Variants in SERPINA5 observed in about 807,000 individuals in gnomAD.
SERPINA5 encodes the protein serpin family A member 5, also known as plasma serine protease inhibitor.
A neutral mutation model predicts 25.3 loss-of-function variants in SERPINA5; 25 were observed. The ratio of observed to expected loss-of-function variants is 0.99; its 90% CI spans 0.72 to 1.38. The LOEUF is 1.38. Ranked by LOEUF, SERPINA5 falls within the 40% of genes most tolerant of loss-of-function variation. The pLI, the probability that SERPINA5 is intolerant of heterozygous loss-of-function variation, is 0.00. For synonymous variants in SERPINA5, 234 were observed against 206.2 expected (o/e 1.14, Z -1.16); for missense variants, 599 against 509.5 (o/e 1.18, Z -1.69).
rs953884918 is a variant in SERPINA5, at chr14:94,590,315, C to T, written c.890+4C>T. ...GGCTTAAGATGTTCAAAAAGAGGTACTTTCAGACTACCCCAGGGCCAGCCT... is the reference window on the plus strand; with the variant it reads ...GGCTTAAGATGTTCAAAAAGAGGTATTTTCAGACTACCCCAGGGCCAGCCT... On this transcript the variant is annotated splice_donor_region_variant and intron_variant, in intron 4 of 5. Coordinates refer to ENST00000329597, the MANE Select transcript of SERPINA5 (RefSeq NM_000624.6). The T allele has an allele frequency of 6.3e-7, 1 of 1,585,600 alleles. No individual in the cohort carries two copies.
intron 3 of SERPINA5, 102 bp downstream of exon 3, chr14:94,588,083 T>C: frequency 6.9e-7 from 1 of 1,447,960 alleles, no homozygotes; most frequent in Non-Finnish European, 9.3e-7. Flanking sequence ...GGGGAGTACG[T>C]TAAGTTCTTT....
At chr14:94,590,924 C>T (rs1323495757) in intron 5 of SERPINA5, 28 bp downstream of exon 5, 3 of 1,594,322 alleles carry the variant, frequency 1.9e-6, no homozygotes, top group Non-Finnish European at 2.6e-6. Context: ...TATGCATCTG[C>T]TTCCCAAGGT....
intron 2 of SERPINA5, among the ~76,000 whole-genome samples, chr14:94,582,536 T>C (rs1395948493): frequency 1.3e-5 from 2 of 152,238 alleles, no homozygotes; most frequent in Non-Finnish European, 2.9e-5. Flanking sequence ...CAAGGTCACC[T>C]GGCAAGTGAG....
At position 94,587,714 on chromosome 14, in the gene SERPINA5, C is replaced by T. The variant is rs200732424; in HGVS notation, c.352C>T (p.Leu118Phe). ...HRGFQQLLQELNQPRDGFQLS... is the reference protein window; with the variant it reads ...HRGFQQLLQEFNQPRDGFQLS... ...AGGCTTTCAGCAGCTCCTTCAGGAA[C>T]TCAACCAGCCCAGAGATGGCTTCCA... The change falls in exon 3 of 6, where the codon CTC becomes TTC. Residue 118 changes from leucine to phenylalanine, a missense_variant. Coordinates refer to ENST00000329597, the MANE Select transcript of SERPINA5 (RefSeq NM_000624.6). The T allele has an allele frequency of 2.5e-6, 4 of 1,614,230 alleles. No homozygotes were observed. Among genetic ancestry groups the T allele is most frequent in the South Asian group, 1.1e-5 (1 of 91,084 alleles).
chr14:94,590,609 A>T, intron 4 of SERPINA5, 140 bp from the exon 5 acceptor site: 1 of 1,014,090 alleles, frequency 9.9e-7, no homozygotes, highest in Non-Finnish European at 1.4e-6. Context: ...AGGAGCCATA[A>T]CCACCATTGT....
intron 2 of SERPINA5, among the ~76,000 whole-genome samples, chr14:94,584,198 C>T (rs893603498): frequency 6.6e-6 from 1 of 152,156 alleles, no homozygotes; most frequent in African/African-American, 2.4e-5. Context: ...ATTTTAATTC[C>T]GGTTCCATCA....
Position 94,590,553 on chromosome 14 carries a change from G to A in SERPINA5, c.891-196G>A, listed in dbSNP as rs2069986. 3.6e-3 allele frequency: 2,850 copies of A among 793,326 alleles called. 54 individuals carry two copies. In the African/African-American group the frequency reaches 0.04, roughly 11 times the overall value. 49.1% of individuals were successfully genotyped at this position (793,326 alleles called of 1,614,324 possible). A position where few individuals can be genotyped will look rare whatever the true frequency, so the allele number is the denominator to read the frequency against. ...GGGCAGAGACCTCTGGGCAGCCCAC[G>A]TCCAAGTCCAGAGCAAGGGGAGGCT... On this transcript the variant is annotated intron_variant, in intron 4 of 5. Transcript: ENST00000329597.
chr14:94,588,908 C>T (rs1434714000), intron 3 of SERPINA5, among the ~76,000 whole-genome samples: 3 of 152,064 alleles, frequency 2.0e-5, no homozygotes, highest in African/African-American at 7.3e-5. Flanking sequence ...ACAGCTCCAC[C>T]CCCATGACCT....
At chr14:94,591,912 C>A (rs1595082984) in intron 5 of SERPINA5, 145 bp from the exon 6 acceptor site, 1 of 869,772 alleles carries the variant, frequency 1.1e-6, no homozygotes, top group East Asian at 2.5e-5. Context: ...AGAGTAGCTG[C>A]TCCATTGTTC....
chr14:94,592,092 G>C lies in SERPINA5; in HGVS notation c.1074G>C (p.Ser358=), dbSNP rs559074274. 6.8e-6 allele frequency: 11 copies of C among 1,613,910 alleles called. No homozygotes were observed. The highest frequency in any genetic ancestry group is 5.1e-6 in the Non-Finnish European group (6 of 1,179,864). The part of the protein sequence containing the change: ...VHKAVVEVDE[S]GTRAAAATGT... ...AAGCTGTGGTGGAGGTGGACGAGTC[G>C]GGAACCAGAGCAGCGGCAGCCACGG... Residue 358 remains serine (S), a synonymous_variant, in exon 6 of 6, where the codon TCG becomes TCC. Transcript: ENST00000329597.
At chr14:94,590,683 C>T (rs1885248593) in intron 4 of SERPINA5, 66 bp from the exon 5 acceptor site, 41 of 1,530,970 alleles carry the variant, frequency 2.7e-5, no homozygotes, top group South Asian at 1.2e-4. Context: ...ATTATGAATC[C>T]AAGGGGTGAG....
At chr14:94,590,562 C>T (rs1190094993) in intron 4 of SERPINA5, 187 bp from the exon 5 acceptor site, 5 of 815,436 alleles carry the variant, frequency 6.1e-6, no homozygotes, top group Non-Finnish European at 9.2e-6. Flanking sequence ...CGTCCAAGTC[C>T]AGAGCAAGGG....
intron 3 of SERPINA5, among the ~76,000 whole-genome samples, chr14:94,588,225 C>T (rs935384321): frequency 2.0e-5 from 3 of 152,138 alleles, no homozygotes; most frequent in African/African-American, 7.2e-5. Flanking sequence ...TTGCTGTCTT[C>T]GGGCCCCTGG....
chr14:94,590,254 T>C lies in SERPINA5; in HGVS notation c.833T>C (p.Val278Ala), dbSNP rs1319774637. The change falls in exon 4 of 6, where the codon GTG becomes GCG. Residue 278 changes from valine (V) to alanine (A), a missense_variant. Val to Ala is a moderately conservative substitution (Grantham distance 64). Transcript: ENST00000329597. Reference sequence around the variant, plus strand: ...CCCAGTGAGGGAAAGATGCAGCAGGTGGAGAATGGACTGAGTGAGAAAACG... The same window carrying C: ...CCCAGTGAGGGAAAGATGCAGCAGGCGGAGAATGGACTGAGTGAGAAAACG... Reference protein sequence around the residue: ...ILPSEGKMQQVENGLSEKTLR... With the variant: ...ILPSEGKMQQAENGLSEKTLR... The C allele has an allele frequency of 6.2e-7, 1 of 1,613,104 alleles. No individual in the cohort carries two copies. Among genetic ancestry groups the C allele is most frequent in the East Asian group, 2.2e-5 (1 of 44,842 alleles).
At chr14:94,583,862 G>A (rs1400367416) in intron 2 of SERPINA5, among the ~76,000 whole-genome samples, 1 of 152,200 alleles carries the variant, frequency 6.6e-6, no homozygotes, top group Non-Finnish European at 1.5e-5. Context: ...TGGGGGATGG[G>A]AGGCTCCCAG....
intron 5 of SERPINA5, among the ~76,000 whole-genome samples, 156 bp downstream of exon 5, chr14:94,591,052 C>G (rs865912188): frequency 8.5e-6 from 1 of 117,580 alleles, no homozygotes; most frequent in Admixed American, 8.0e-5. Context: ...CTCCACTCCA[C>G]TCCAGTTCAC....
At chr14:94,586,279 G>A (rs150074941) in intron 2 of SERPINA5, among the ~76,000 whole-genome samples, 40 of 152,316 alleles carry the variant, frequency 2.6e-4, no homozygotes, top group Non-Finnish European at 5.7e-4. Flanking sequence ...GTCTTTGCCT[G>A]CATGGGCTGC....
At position 94,592,044 on chromosome 14, in the gene SERPINA5, G is replaced by A; in HGVS notation, c.1039-13G>A. The A allele has an allele frequency of 1.9e-6, 3 of 1,607,750 alleles. No individual in the cohort carries two copies. The highest frequency in any genetic ancestry group is 2.5e-6 in the Non-Finnish European group (3 of 1,176,546). On this transcript the variant is annotated splice_polypyrimidine_tract_variant and intron_variant, in intron 5 of 5. Coordinates refer to ENST00000329597, the MANE Select transcript of SERPINA5 (RefSeq NM_000624.6). ...CCCTAGTGGCCTGGTGATGCCTGGT[G>A]TCTCCCCTGCAGATGGTGCACAAAG...
In SERPINA5 at chr14:94,590,035, C is replaced by A; in HGVS notation, c.620-6C>A. 6.4e-7 allele frequency: 1 copy of A among 1,559,154 alleles called. No individual in the cohort carries two copies. Among genetic ancestry groups the A allele is most frequent in the Non-Finnish European group, 8.7e-7 (1 of 1,151,312 alleles). ...CTTTTTCATTTTTCCCTTTTTTCAT[C>A]TTTAGCTAAGTGGGAGACAAGCTTC... On this transcript the variant is annotated splice_polypyrimidine_tract_variant and splice_region_variant and intron_variant, in intron 3 of 5. Coordinates refer to ENST00000329597, the MANE Select transcript of SERPINA5 (RefSeq NM_000624.6).
Sources: allele counts gnomAD v4.1 joint callset (sites outside exome capture counted in the v4.1 genomes callset), GRCh38; gene constraint gnomAD v4.1.1; transcripts MANE v1.5; gene names NCBI Gene and HGNC (gene_info 2026-07-23, HGNC 2026-07-21).